ZNF18: variants seen among roughly 807,000 people sequenced by gnomAD.
ZNF18 encodes the protein heart development-specific gene 1 protein.
Under a neutral mutation model 58.1 loss-of-function variants are expected in ZNF18, and 42 were observed. The ratio of observed to expected loss-of-function variants is 0.72; its 90% CI spans 0.56 to 0.93. The LOEUF (loss-of-function observed/expected upper bound fraction) is 0.93, where lower values mean the gene tolerates loss of function less well. Among genes scored for constraint, ZNF18 ranks in the 40% least tolerant of loss-of-function variants. The pLI is 0.00. For missense variants in ZNF18, 540 were observed against 644.2 expected, an observed-to-expected ratio of 0.84 and a Z score of 1.75; for synonymous variants, 231 against 239.8, an observed-to-expected ratio of 0.96 and a Z score of 0.34.
chr17:11,998,992 C>A (rs1480495548), upstream of ZNF18, among the ~76,000 whole-genome samples: 1 of 152,070 alleles, frequency 6.6e-6, no homozygotes, highest in Non-Finnish European at 1.5e-5. Flanking sequence ...TTCTAACATT[C>A]ATGTGATTGA....
rs772001286 is a variant in ZNF18, at chr17:11,992,610, C to T, written c.220G>A (p.Val74Ile). ...KLCFQWLQPE[V>I]HTKEQILEIL... ...TCTAGGATCTGCTCTTTGGTGTGAA[C>T]CTCTGGCTGTAGCCACTGGAAACAG... The change falls in exon 2 of 7, where the codon GTT (valine) becomes ATT (isoleucine). Residue 74 changes from valine (V) to isoleucine (I), a missense_variant. Transcript: ENST00000580306. The T allele has an allele frequency of 6.2e-7, 1 of 1,614,236 alleles. No individual in the cohort carries two copies. Among genetic ancestry groups the T allele is most frequent in the Non-Finnish European group, 8.5e-7 (1 of 1,180,044 alleles).
intron 6 of ZNF18, among the ~76,000 whole-genome samples, chr17:11,982,358 T>C (rs917198146): frequency 6.6e-6 from 1 of 152,204 alleles, no homozygotes. Flanking sequence ...TTCAATCTTA[T>C]TGTGTTTTTT....
At position 11,978,209 on chromosome 17, in the gene ZNF18, AC is replaced by A; in HGVS notation, c.1397del (p.Cys466LeufsTer78). On this transcript the variant is annotated frameshift_variant, in exon 7 of 7. Coordinates refer to ENST00000580306, the MANE Select transcript of ZNF18 (RefSeq NM_001303281.2). LOFTEE classifies it high-confidence loss of function. ...CACTAAAGCCTTTCCCACAGTAATC[AC>A]ATTTACAGGGCTTCTCTCCCGTGTG... is the stretch of plus-strand genomic sequence containing the variant. ...RTHTGEKPCK[C>X]DYCGKGFSDF... 1 of 1,614,126 alleles carries A rather than the reference AC, an allele frequency of 6.2e-7. No homozygotes were observed. Among genetic ancestry groups the A allele is most frequent in the South Asian group, 1.1e-5 (1 of 91,082 alleles).
At chr17:11,997,828 T>G (rs1188531049), upstream of ZNF18, among the ~76,000 whole-genome samples, 1 of 152,232 alleles carries the variant, frequency 6.6e-6, no homozygotes, top group Non-Finnish European at 1.5e-5. Context: ...CCCGCAGAGC[T>G]GCAACGCTCT....
Position 11,984,121 on chromosome 17 carries a change from AC to A in ZNF18, c.742del (p.Val248SerfsTer13). On this transcript the variant is annotated frameshift_variant, in exon 5 of 7. Transcript: ENST00000580306. LOFTEE classifies it high-confidence loss of function. The part of the protein sequence containing the change: ...DLMLETYGKM[V>X]SGAGISHPKS... ...CTAACCCACACCCTCACCTCCTGAG[AC>A]CATTTTCCCATAGGTCTCCAGCATG... 1 of 1,612,912 alleles carries A rather than the reference AC, an allele frequency of 6.2e-7. No individual in the cohort carries two copies. The highest frequency in any genetic ancestry group is 8.5e-7 in the Non-Finnish European group (1 of 1,179,628).
In ZNF18 at chr17:11,991,143, T is replaced by C; in HGVS notation, c.408A>G (p.Gly136=). 6.2e-7 allele frequency: 1 copy of C among 1,614,152 alleles called. No individual in the cohort carries two copies. Among genetic ancestry groups the C allele is most frequent in the Non-Finnish European group, 8.5e-7 (1 of 1,179,992 alleles). ...LWQWISIQVL[G]QDILSEKMES... ...CCATCTTCTCTGATAAGATGTCCTG[T>C]CCTAGAACCTGGATACTGATCTAGA... The change falls in exon 3 of 7, where the codon GGA becomes GGG. Residue 136 remains glycine (G), a synonymous_variant. Transcript: ENST00000580306.
At chr17:11,984,233 G>A (rs1567601338) in intron 4 of ZNF18, 36 bp from the exon 5 acceptor site, 3 of 1,566,516 alleles carry the variant, frequency 1.9e-6, no homozygotes, top group Non-Finnish European at 2.6e-6. Context: ...ACAATACCAT[G>A]ACTCCAATGA....
the ZNF18 span, among the ~76,000 whole-genome samples, chr17:12,014,759 C>A: frequency 6.6e-6 from 1 of 152,120 alleles, no homozygotes; most frequent in African/African-American, 2.4e-5. Flanking sequence ...TGTACAAAAA[C>A]CACTGAATTG....
the ZNF18 span, chr17:12,021,275 T>A: frequency 8.6e-6 from 2 of 233,162 alleles, no homozygotes; most frequent in Non-Finnish European, 1.7e-5. Context: ...AGGGCCCACC[T>A]GGTCCGGGAC....
chr17:12,001,878 T>TA (rs1304382660), upstream of ZNF18, among the ~76,000 whole-genome samples: 1 of 151,716 alleles, frequency 6.6e-6, no homozygotes, highest in Non-Finnish European at 1.5e-5. Context: ...CACTAGTTAC[T>TA]AAAAAAATGA....
chr17:11,989,722 A>C (rs1967975819), intron 4 of ZNF18, among the ~76,000 whole-genome samples: 1 of 152,208 alleles, frequency 6.6e-6, no homozygotes, highest in Non-Finnish European at 1.5e-5. Flanking sequence ...ATACTGGATG[A>C]GATTAACAGC....
intron 2 of ZNF18, 149 bp downstream of exon 2, chr17:11,992,294 T>TG (rs1165815765): frequency 1.0e-6 from 1 of 1,001,376 alleles, no homozygotes; most frequent in African/African-American, 1.6e-5. Flanking sequence ...GACACTGTAC[T>TG]GGTGTTAGAG....
intron 1 of ZNF18, among the ~76,000 whole-genome samples, chr17:11,994,819 C>T (rs1028367371): frequency 6.6e-6 from 1 of 151,266 alleles, no homozygotes; most frequent in East Asian, 2.0e-4. Flanking sequence ...CCAACCTGGG[C>T]GACAGAGCGA....
the ZNF18 span, among the ~76,000 whole-genome samples, chr17:12,012,596 T>A: frequency 2.0e-5 from 3 of 152,344 alleles, no homozygotes; most frequent in East Asian, 5.8e-4. Flanking sequence ...AGAATGCCAG[T>A]TGCCCACACT....
chr17:11,983,916 G>A (rs76748721), intron 5 of ZNF18, among the ~76,000 whole-genome samples, 197 bp downstream of exon 5: 1,640 of 152,250 alleles, frequency 0.011, 33 homozygotes, highest in African/African-American at 0.038. Flanking sequence ...CCTGGCACAC[G>A]GAATACTTTC....
chr17:11,989,459 C>T (rs137920507), intron 4 of ZNF18, among the ~76,000 whole-genome samples: 1,554 of 152,162 alleles, frequency 0.01, 29 homozygotes, highest in African/African-American at 0.036. Context: ...GATATTAATA[C>T]AAATACAACT....
the ZNF18 span, among the ~76,000 whole-genome samples, chr17:12,013,227 G>C: frequency 6.6e-6 from 1 of 152,218 alleles, no homozygotes; most frequent in Non-Finnish European, 1.5e-5. Context: ...TGGGATTACA[G>C]GCGTGAGCCA....
At chr17:11,987,781 C>T (rs1967845110) in intron 4 of ZNF18, among the ~76,000 whole-genome samples, 4 of 152,154 alleles carry the variant, frequency 2.6e-5, no homozygotes, top group Admixed American at 2.6e-4. Flanking sequence ...TTTCTGGGCA[C>T]CTTGAAAGCA....
chr17:12,014,681 T>C, the ZNF18 span, among the ~76,000 whole-genome samples: 1 of 152,204 alleles, frequency 6.6e-6, no homozygotes, highest in Non-Finnish European at 1.5e-5. Flanking sequence ...GCAAAGGGTA[T>C]AAAGTTTCCT....
Sources: gnomAD v4.1 joint callset for allele counts (sites outside exome capture counted in the v4.1 genomes callset) on GRCh38, gnomAD v4.1.1 for gene constraint, MANE v1.5 for transcripts, NCBI Gene and HGNC (gene_info 2026-07-23, HGNC 2026-07-21) for gene names.